TEX14: variants seen among roughly 807,000 people sequenced by gnomAD.
TEX14 encodes the protein inactive serine/threonine-protein kinase TEX14.
TEX14 carries 168 observed loss-of-function variants against 178.6 expected under a neutral mutation model. The ratio of observed to expected loss-of-function variants is 0.94; its 90% CI spans 0.83 to 1.07. The LOEUF is 1.07. TEX14 is among the 50% of genes least tolerant of loss of function. The pLI, the probability that TEX14 is intolerant of heterozygous loss-of-function variation, is 0.00. For missense variants in TEX14, 1,730 were observed against 1,753.6 expected, an observed-to-expected ratio of 0.99 and a Z score of 0.24; for synonymous variants, 626 against 634.1, an observed-to-expected ratio of 0.99 and a Z score of 0.19.
chr17:58,655,759 G>T (rs550878407), intron 1 of TEX14, among the ~76,000 whole-genome samples: 1 of 152,122 alleles, frequency 6.6e-6, no homozygotes, highest in Non-Finnish European at 1.5e-5. Flanking sequence ...TAAGCCAGGG[G>T]CCATGTCTGG....
intron 10 of TEX14, among the ~76,000 whole-genome samples, chr17:58,605,993 GC>G (rs2045597788): frequency 6.6e-6 from 1 of 152,146 alleles, no homozygotes; most frequent in Non-Finnish European, 1.5e-5. Flanking sequence ...TCTTTCAAGA[GC>G]CCTCTCAACC....
chr17:58,585,011 C>A (rs542202524), intron 18 of TEX14, among the ~76,000 whole-genome samples: 1 of 152,042 alleles, frequency 6.6e-6, no homozygotes, highest in African/African-American at 2.4e-5. Context: ...AATCTATAAA[C>A]CGATGACAAT....
Position 58,595,911 on chromosome 17 carries a change from G to A in TEX14, c.2470-2250C>T, listed in dbSNP as rs181868615. 2.1e-3 allele frequency among the ~76,000 whole-genome samples: 314 copies of A among 152,332 alleles called. 1 individual carries two copies. The highest frequency in any genetic ancestry group is 3.4e-3 in the Middle Eastern group (1 of 294). On this transcript the variant is annotated intron_variant, in intron 14 of 31. Transcript: ENST00000349033. ...ATATAAAAGTTATTTCAGGCCGGGC[G>A]CGGTCGCTCACACCTGTAATCCCAA...
At chr17:58,667,388 T>C (rs1453942581) in intron 1 of TEX14, among the ~76,000 whole-genome samples, 1 of 152,202 alleles carries the variant, frequency 6.6e-6, no homozygotes, top group African/African-American at 2.4e-5. Flanking sequence ...AACAAATACA[T>C]TAACGAACAG....
rs544919750 is a variant in TEX14 at position 58,629,353 on chromosome 17, C to T, written c.251+1087G>A. Among the ~76,000 whole-genome samples the T allele has an allele frequency of 2.0e-5, 3 of 151,100 alleles. No individual in the cohort carries two copies. The South Asian group carries it at 6.3e-4, about 32-fold the overall frequency. On this transcript the variant is annotated intron_variant, in intron 3 of 31. Coordinates refer to ENST00000349033, the MANE Select transcript of TEX14 (RefSeq NM_031272.5). ...CTTGTAATCCCAGCTACTAGGGAGG[C>T]TGAGGCAGGAGAATTGCTTGCAGCC...
rs937483301 is a variant in TEX14, at chr17:58,685,494, G to A, written c.-2+6445C>T. Among the ~76,000 whole-genome samples the A allele has an allele frequency of 6.6e-5, 10 of 151,734 alleles. No homozygotes were observed. In the East Asian group the frequency reaches 1.9e-3, roughly 29 times the overall value. On this transcript the variant is annotated intron_variant, in intron 1 of 31. Transcript: ENST00000349033. ...ATAAATAGTAGTTAATTAGGTGAAG[G>A]AGGGAGAGGTAATATTATAGACATA...
Position 58,557,810 on chromosome 17 carries a change from G to A in TEX14, c.4308C>T (p.Ser1436=), listed in dbSNP as rs540077247. 25 of 1,610,394 alleles carry A rather than the reference G, an allele frequency of 1.6e-5. No individual in the cohort carries two copies. In the Admixed American group the frequency reaches 2.5e-4, roughly 16 times the overall value. ...TGATATTTCATTACCTGGATGATTC[G>A]GACCAACCTAGTCGCTTCCAAAAAC... The part of the protein sequence containing the change: ...KSCFWKRLGW[S]ESSRIIVLDQ... Residue 1436 remains serine, a synonymous_variant, in exon 31 of 32, where the codon TCC becomes TCT. Coordinates refer to ENST00000349033, the MANE Select transcript of TEX14 (RefSeq NM_031272.5).
intron 1 of TEX14, among the ~76,000 whole-genome samples, chr17:58,677,186 C>T (rs888005959): frequency 1.3e-5 from 2 of 151,472 alleles, no homozygotes; most frequent in Non-Finnish European, 2.9e-5. Flanking sequence ...ACTTGGAAGG[C>T]TGAGGCAGAA....
chr17:58,563,033 A>G (rs1322416486), intron 28 of TEX14, among the ~76,000 whole-genome samples: 1 of 151,556 alleles, frequency 6.6e-6, no homozygotes, highest in Non-Finnish European at 1.5e-5. Context: ...TTCATGCCCT[A>G]TTGCACTCCA....
At chr17:58,581,610 C>A (rs775954458) in intron 19 of TEX14, 2 of 1,613,230 alleles carry the variant, frequency 1.2e-6, no homozygotes, top group South Asian at 2.2e-5. Flanking sequence ...GCGTTTTTTA[C>A]CTCTAGAGCT....
intron 15 of TEX14, among the ~76,000 whole-genome samples, 197 bp from the exon 16 acceptor site, chr17:58,588,218 G>C (rs2045029655): frequency 6.6e-6 from 1 of 152,184 alleles, no homozygotes; most frequent in Admixed American, 6.5e-5. Context: ...CACAGGTGAT[G>C]GTTCAGGTGA....
At chr17:58,635,285 T>C (rs988944845) in intron 2 of TEX14, among the ~76,000 whole-genome samples, 5 of 152,292 alleles carry the variant, frequency 3.3e-5, no homozygotes, top group Admixed American at 3.3e-4. Flanking sequence ...TTATAGTTAT[T>C]GACAAGAAGA....
Position 58,599,663 on chromosome 17 carries a change from C to CT in TEX14, c.1681dup (p.Ser561LysfsTer14). The CT allele has an allele frequency of 6.2e-7, 1 of 1,605,868 alleles. No homozygotes were observed. The highest frequency in any genetic ancestry group is 8.5e-7 in the Non-Finnish European group (1 of 1,176,532). ...GTGAACCCTTGGTGAATGAGGTTGA[C>CT]TGCCTATTGAAAAAAACAGCAAAAT... is the stretch of plus-strand genomic sequence containing the variant. On this transcript the variant is annotated frameshift_variant, in exon 14 of 32. Transcript: ENST00000349033. LOFTEE classifies it high-confidence loss of function.
chr17:58,597,519 T>C (rs932776629), intron 14 of TEX14, among the ~76,000 whole-genome samples: 1 of 152,208 alleles, frequency 6.6e-6, no homozygotes, highest in Non-Finnish European at 1.5e-5. Flanking sequence ...CCAGCTATTC[T>C]AAATAATATC....
chr17:58,672,668 C>T (rs974296340), intron 1 of TEX14, among the ~76,000 whole-genome samples: 4 of 152,210 alleles, frequency 2.6e-5, no homozygotes, highest in Middle Eastern at 3.4e-3. Context: ...TGGCCTCGAA[C>T]TCCTTGGCCA....
intron 2 of TEX14, among the ~76,000 whole-genome samples, chr17:58,633,643 G>A (rs1022013754): frequency 1.2e-4 from 18 of 151,866 alleles, no homozygotes; most frequent in African/African-American, 4.4e-4. Flanking sequence ...TGGCCAATGT[G>A]GACAAACCCC....
At chr17:58,657,161 G>A (rs957463421) in intron 1 of TEX14, among the ~76,000 whole-genome samples, 5 of 151,550 alleles carry the variant, frequency 3.3e-5, no homozygotes, top group Non-Finnish European at 4.4e-5. Flanking sequence ...ATAGAGATGA[G>A]GTCTCACTAT....
intron 1 of TEX14, among the ~76,000 whole-genome samples, chr17:58,683,215 A>G (rs1193715253): frequency 6.6e-6 from 1 of 151,446 alleles, no homozygotes; most frequent in Non-Finnish European, 1.5e-5. Context: ...TCTACTAAAG[A>G]TACAAAAATT....
intron 24 of TEX14, 151 bp downstream of exon 24, chr17:58,571,770 A>G: frequency 1.6e-6 from 1 of 643,788 alleles, no homozygotes. Flanking sequence ...CTCCCATAAT[A>G]TAGACTCAAG....
Sources: allele counts gnomAD v4.1 joint callset (sites outside exome capture counted in the v4.1 genomes callset), GRCh38; gene constraint gnomAD v4.1.1; transcripts MANE v1.5; gene names NCBI Gene and HGNC (gene_info 2026-07-23, HGNC 2026-07-21).